The following GALK2 variants were observed in gnomAD, a reference collection of about 807,000 sequenced individuals.
The protein encoded by GALK2 is N-acetylgalactosamine kinase.
A neutral mutation model predicts 52.4 loss-of-function variants in GALK2; 36 were observed. The ratio of observed to expected loss-of-function variants is 0.69; its 90% CI spans 0.53 to 0.91. The LOEUF is 0.91. Among genes scored for constraint, GALK2 ranks in the 40% least tolerant of loss-of-function variants. The pLI, the probability that GALK2 is intolerant of heterozygous loss-of-function variation, is 0.00. For missense variants in GALK2, 579 were observed against 559.1 expected (o/e 1.04, Z -0.36); for synonymous variants, 176 against 199.1 (o/e 0.88, Z 0.98).
At chr15:49,250,628 C>G (rs549558210) in intron 5 of GALK2, among the ~76,000 whole-genome samples, 12 of 152,104 alleles carry the variant, frequency 7.9e-5, no homozygotes, top group Non-Finnish European at 1.8e-4. Flanking sequence ...TTCAGCCATG[C>G]TGCTACCTAT....
chr15:49,285,075 C>A (rs2033190911), intron 7 of GALK2, among the ~76,000 whole-genome samples: 1 of 152,066 alleles, frequency 6.6e-6, no homozygotes, highest in African/African-American at 2.4e-5. Flanking sequence ...ACTCCTCTAC[C>A]TCCCTCTTAT....
At chr15:49,230,900 G>T (rs1470699762) in intron 3 of GALK2, among the ~76,000 whole-genome samples, 1 of 152,214 alleles carries the variant, frequency 6.6e-6, no homozygotes, top group Non-Finnish European at 1.5e-5. Context: ...TTGAGAATTG[G>T]TGGGAAAATG....
intron 5 of GALK2, among the ~76,000 whole-genome samples, chr15:49,271,462 G>T (rs2030597579): frequency 6.6e-6 from 1 of 152,106 alleles, no homozygotes; most frequent in Non-Finnish European, 1.5e-5. Context: ...GGCTTTGGGG[G>T]CTCCTGAATT....
intron 9 of GALK2, among the ~76,000 whole-genome samples, chr15:49,323,964 CAAACAAAATGTAAACAGAAAGAAATG>C: frequency 6.6e-6 from 1 of 152,112 alleles, no homozygotes. Context: ...CTTTTGTAGC[CAAACAAAATGTAAACAGAAAGAAATG>C]ACTAAATTTT....
At chr15:49,268,641 G>C (rs2029874512) in intron 5 of GALK2, among the ~76,000 whole-genome samples, 12 of 152,182 alleles carry the variant, frequency 7.9e-5, no homozygotes, top group Admixed American at 7.2e-4. Flanking sequence ...TTGCAAAGCA[G>C]CCAGCCAGGG....
intron 5 of GALK2, among the ~76,000 whole-genome samples, chr15:49,261,771 G>C (rs2092122407): frequency 6.6e-6 from 1 of 152,058 alleles, no homozygotes; most frequent in South Asian, 2.1e-4. Flanking sequence ...AGAGTTTTTA[G>C]CATGAAGGGT....
At chr15:49,183,018 G>A (rs1354243228) in intron 1 of GALK2, among the ~76,000 whole-genome samples, 20 of 151,708 alleles carry the variant, frequency 1.3e-4, no homozygotes, top group Admixed American at 1.3e-3. Context: ...TTTTGCTTTG[G>A]TAGCCTTTAC....
intron 3 of GALK2, among the ~76,000 whole-genome samples, chr15:49,350,631 A>G (rs1249477475): frequency 2.0e-5 from 3 of 152,170 alleles, no homozygotes; most frequent in Non-Finnish European, 4.4e-5. Context: ...AAAACAACAG[A>G]TTCAGAACCC....
At chr15:49,316,853 A>G (rs1596086608) in intron 8 of GALK2, among the ~76,000 whole-genome samples, 2 of 152,150 alleles carry the variant, frequency 1.3e-5, no homozygotes, top group African/African-American at 2.4e-5. Context: ...GAGCCGGGGA[A>G]TAAATCCTCT....
At chr15:49,205,575 A>G (rs1286938462) in intron 2 of GALK2, among the ~76,000 whole-genome samples, 7 of 151,828 alleles carry the variant, frequency 4.6e-5, no homozygotes, top group Non-Finnish European at 1.0e-4. Context: ...TTTGAATGGG[A>G]TGGTTTGTTT....
At chr15:49,318,516 A>G (rs2072100947) in intron 8 of GALK2, among the ~76,000 whole-genome samples, 1 of 152,146 alleles carries the variant, frequency 6.6e-6, no homozygotes, top group Non-Finnish European at 1.5e-5. Flanking sequence ...AAATTGCCTT[A>G]GAATCTGAGT....
At chr15:49,220,307 G>A (rs758339709) in intron 3 of GALK2, among the ~76,000 whole-genome samples, 6 of 151,792 alleles carry the variant, frequency 4.0e-5, no homozygotes, top group Admixed American at 1.3e-4. Flanking sequence ...ATTCTACCCT[G>A]TACCTTCATG....
chr15:49,328,411 G>T lies in GALK2; in HGVS notation c.*252G>T. The T allele has an allele frequency of 7.0e-7, 1 of 1,431,930 alleles. No homozygotes were observed. Among genetic ancestry groups the T allele is most frequent in the Non-Finnish European group, 9.1e-7 (1 of 1,095,404 alleles). 88.7% of individuals were successfully genotyped at this position (1,431,930 alleles called of 1,614,324 possible). On this transcript the variant is annotated 3_prime_UTR_variant, in exon 10 of 10. Transcript: ENST00000560031. ...ACAGATCTTTTAAGAATAACTTACT[G>T]AGATTTATTGATTTGAAGATTTTAA...
intron 2 of GALK2, among the ~76,000 whole-genome samples, chr15:49,202,829 G>A (rs500122): frequency 0.34 from 51,661 of 151,906 alleles, 9,372 homozygotes; most frequent in East Asian, 0.58. Flanking sequence ...CAGTGTAGAA[G>A]AATTCTTATT....
At chr15:49,159,575 C>CAA (rs71458473) in intron 1 of GALK2, among the ~76,000 whole-genome samples, 1 of 130,078 alleles carries the variant, frequency 7.7e-6, no homozygotes, top group Non-Finnish European at 1.6e-5. Flanking sequence ...GACTCTGTCT[C>CAA]AAAAAAAAAA....
intron 5 of GALK2, 56 bp from the exon 6 acceptor site, chr15:49,281,931 T>C: frequency 7.8e-7 from 1 of 1,276,418 alleles, no homozygotes; most frequent in South Asian, 1.3e-5. Flanking sequence ...TAGTAAGAAA[T>C]GAATGAGAAA....
chr15:49,319,440 G>A (rs141043089), intron 8 of GALK2, among the ~76,000 whole-genome samples, 164 bp from the exon 9 acceptor site: 2 of 152,296 alleles, frequency 1.3e-5, no homozygotes, highest in African/African-American at 4.8e-5. Context: ...CTTGCCGATA[G>A]ACACATTTCA....
At chr15:49,261,398 G>GT (rs1340498761) in intron 5 of GALK2, among the ~76,000 whole-genome samples, 1 of 148,426 alleles carries the variant, frequency 6.7e-6, no homozygotes, top group East Asian at 2.0e-4. Flanking sequence ...GAATGCTTGT[G>GT]ATTTTTGTAC....
chr15:49,279,578 T>C (rs1420926209), intron 5 of GALK2, among the ~76,000 whole-genome samples: 1 of 152,158 alleles, frequency 6.6e-6, no homozygotes, highest in Non-Finnish European at 1.5e-5. Context: ...AAGCAGAACT[T>C]TGTTTGGAGG....
Sources: gnomAD v4.1 joint callset for allele counts (sites outside exome capture counted in the v4.1 genomes callset) on GRCh38, gnomAD v4.1.1 for gene constraint, MANE v1.5 for transcripts, NCBI Gene and HGNC (gene_info 2026-07-23, HGNC 2026-07-21) for gene names.